Variants in CHCT1 observed in about 807,000 individuals in gnomAD.
The protein encoded by CHCT1 is CHD1 helical C-terminal domain containing protein 1.
the CHCT1 span, among the ~76,000 whole-genome samples, chr17:60,430,851 C>T: frequency 6.6e-6 from 1 of 152,184 alleles, no homozygotes; most frequent in South Asian, 2.1e-4. Context: ...GTCATGAGGC[C>T]TAGGAGAGGA....
the CHCT1 span, among the ~76,000 whole-genome samples, chr17:60,429,855 C>T: frequency 1.2e-4 from 18 of 152,084 alleles, no homozygotes; most frequent in Admixed American, 4.6e-4. Flanking sequence ...GACGGAGTCT[C>T]GCTCTGTCAC....
chr17:60,428,338 C>T, the CHCT1 span, among the ~76,000 whole-genome samples: 1 of 152,144 alleles, frequency 6.6e-6, no homozygotes, highest in Non-Finnish European at 1.5e-5. Flanking sequence ...GCACTCTCGC[C>T]GTGCAGCCCT....
the CHCT1 span, among the ~76,000 whole-genome samples, chr17:60,430,863 T>G: frequency 6.6e-6 from 1 of 151,894 alleles, no homozygotes; most frequent in Non-Finnish European, 1.5e-5. Context: ...AGGAGAGGAG[T>G]AAGGAAGAAT....
chr17:60,426,852 A>G, the CHCT1 span: 1 of 1,561,758 alleles, frequency 6.4e-7, no homozygotes, highest in Admixed American at 1.9e-5. Flanking sequence ...AGCACAGCTG[A>G]GGGTTGGTTG....
At chr17:60,426,732 T>C in the CHCT1 span, 3 of 1,611,142 alleles carry the variant, frequency 1.9e-6, no homozygotes, top group Non-Finnish European at 2.5e-6. Context: ...CTCTGGCGGT[T>C]CATCTCCCTC....
chr17:60,429,375 C>T, the CHCT1 span: 1 of 1,613,590 alleles, frequency 6.2e-7, no homozygotes, highest in Non-Finnish European at 8.5e-7. Context: ...ACATTCTGCG[C>T]CTCGGATGCG....
the CHCT1 span, chr17:60,426,920 C>T: frequency 1.3e-6 from 2 of 1,522,344 alleles, no homozygotes; most frequent in Admixed American, 2.0e-5. Flanking sequence ...CCCCTCTGGT[C>T]CTTCCCAGGG....
At chr17:60,426,309 A>G in the CHCT1 span, 1 of 1,550,278 alleles carries the variant, frequency 6.5e-7, no homozygotes, top group East Asian at 2.5e-5. Flanking sequence ...CATTACTGCC[A>G]AGCCTGGGAA....
chr17:60,422,042 G>T, the CHCT1 span: 4 of 762,206 alleles, frequency 5.2e-6, no homozygotes, highest in Non-Finnish European at 6.3e-6. Flanking sequence ...AGCACGGAGG[G>T]CTTATTATTA....
chr17:60,421,361 G>A, the CHCT1 span: 3 of 985,504 alleles, frequency 3.0e-6, no homozygotes, highest in Non-Finnish European at 2.4e-6. Flanking sequence ...CGGGCCTCCG[G>A]GCTACCCCTA....
the CHCT1 span, among the ~76,000 whole-genome samples, chr17:60,428,635 C>T: frequency 6.6e-6 from 1 of 151,588 alleles, no homozygotes; most frequent in East Asian, 2.0e-4. Context: ...TACAGGCATG[C>T]ACCACCATGC....
the CHCT1 span, among the ~76,000 whole-genome samples, chr17:60,428,502 TTC>T: frequency 3.2e-4 from 48 of 151,384 alleles, no homozygotes; most frequent in African/African-American, 1.1e-3. Flanking sequence ...TTTTTTTTTT[TTC>T]GAGACAGAGT....
chr17:60,423,164 C>T, the CHCT1 span, among the ~76,000 whole-genome samples: 1 of 151,846 alleles, frequency 6.6e-6, no homozygotes, highest in Non-Finnish European at 1.5e-5. Flanking sequence ...ACTTTGTTGC[C>T]ACTTATTTTC....
the CHCT1 span, chr17:60,422,467 C>G: frequency 6.6e-7 from 1 of 1,525,742 alleles, no homozygotes; most frequent in Non-Finnish European, 8.8e-7. Context: ...GTTGCCGTGG[C>G]TTTGCTCCGA....
At chr17:60,422,600 C>T in the CHCT1 span, 30 of 1,550,456 alleles carry the variant, frequency 1.9e-5, no homozygotes, top group Non-Finnish European at 2.3e-5. Context: ...GAGATGGAGG[C>T]CTCAGATGGG....
At chr17:60,428,850 C>T in the CHCT1 span, among the ~76,000 whole-genome samples, 5 of 151,132 alleles carry the variant, frequency 3.3e-5, no homozygotes, top group Middle Eastern at 3.4e-3. Context: ...CAATTTATTT[C>T]ATTTCTAAAA....
the CHCT1 span, chr17:60,431,296 G>C: frequency 6.6e-7 from 1 of 1,523,960 alleles, no homozygotes; most frequent in Non-Finnish European, 9.0e-7. Context: ...GGGCCCGCTT[G>C]TCCTGGCTCT....
the CHCT1 span, chr17:60,425,700 G>T: frequency 9.8e-7 from 1 of 1,025,196 alleles, no homozygotes; most frequent in Non-Finnish European, 1.5e-6. Context: ...GGCTTTGGCT[G>T]CCATTTGGGT....
chr17:60,422,543 G>T, the CHCT1 span: 1 of 1,548,418 alleles, frequency 6.5e-7, no homozygotes, highest in Non-Finnish European at 8.7e-7. Context: ...TCAGAAGCCA[G>T]AGGGGACGTG....
Sources: allele counts gnomAD v4.1 joint callset (sites outside exome capture counted in the v4.1 genomes callset), GRCh38; gene constraint gnomAD v4.1.1; transcripts MANE v1.5; gene names NCBI Gene and HGNC (gene_info 2026-07-23, HGNC 2026-07-21).